RNF103: variants seen among roughly 807,000 people sequenced by gnomAD.
RNF103 encodes ring finger protein 103, also known as E3 ubiquitin-protein ligase RNF103.
RNF103 carries 23 observed loss-of-function variants against 66.2 expected under a neutral mutation model. That is an observed-to-expected ratio of 0.35 (90% CI 0.25 to 0.49). The LOEUF (loss-of-function observed/expected upper bound fraction) is 0.49, where lower values mean the gene tolerates loss of function less well. Ranked by LOEUF, RNF103 falls within the 20% of genes least tolerant of loss-of-function variation. The probability of loss-of-function intolerance (pLI) is 0.98; values close to 1 mark genes in which losing one functional copy is unlikely to be tolerated. For missense variants in RNF103, 730 were observed against 814.7 expected (o/e 0.90, Z 1.27); for synonymous variants, 297 against 289.9 (o/e 1.02, Z -0.25).
At position 86,622,961 on chromosome 2, in the gene RNF103, C is replaced by T. The variant is rs1223328039; in HGVS notation, c.-75G>A. On this transcript the variant is annotated 5_prime_UTR_variant, in exon 1 of 4. Transcript: ENST00000237455. ...GAAGGGTCGAGGGCGGGGGCCGCGG[C>T]TCGGTGGCAGCTTGGGCGAGGGCCC... The T allele has an allele frequency of 2.0e-6, 3 of 1,488,034 alleles. No individual in the cohort carries two copies. The highest frequency in any genetic ancestry group is 2.6e-5 in the East Asian group (1 of 38,740). The allele number at this position is 1,488,034 out of a possible 1,614,324, so 92.2% of individuals were successfully genotyped here. A position where few individuals can be genotyped will look rare whatever the true frequency, so the allele number is the denominator to read the frequency against.
chr2:86,611,518 A>C (rs776541783), intron 3 of RNF103, among the ~76,000 whole-genome samples: 1 of 152,232 alleles, frequency 6.6e-6, no homozygotes, highest in East Asian at 1.9e-4. Context: ...TAATAAAACA[A>C]GAAATAATGT....
At position 86,604,805 on chromosome 2, in the gene RNF103, G is replaced by A. The variant is rs1380773932; in HGVS notation, c.1096C>T (p.Leu366=). ...ACAGGTAGCCAGGAAATAATTAATA[G>A]AGAATTATATGTCCCTAAAGTGCTT... ...LISTLGTYNS[L]LIISWLPVLG... is the part of the protein sequence containing the mutation. The change falls in exon 4 of 4, where the codon CTA becomes TTA. Residue 366 remains leucine (L), a synonymous_variant. Transcript: ENST00000237455. The A allele has an allele frequency of 1.2e-6, 2 of 1,614,064 alleles. No homozygotes were observed. The highest frequency in any genetic ancestry group is 1.7e-6 in the Non-Finnish European group (2 of 1,180,028).
chr2:86,616,043 G>C (rs2104247808), intron 2 of RNF103, among the ~76,000 whole-genome samples: 1 of 152,290 alleles, frequency 6.6e-6, no homozygotes, highest in East Asian at 1.9e-4. Context: ...CCAGCAACCT[G>C]TACCAAGATG....
At position 86,603,753 on chromosome 2, in the gene RNF103, C is replaced by T; in HGVS notation, c.*90G>A. 2.0e-6 allele frequency: 3 copies of T among 1,504,920 alleles called. No individual in the cohort carries two copies. Among genetic ancestry groups the T allele is most frequent in the Non-Finnish European group, 2.7e-6 (3 of 1,124,582 alleles). 93.2% of individuals were successfully genotyped at this position (1,504,920 alleles called of 1,614,324 possible). A position where few individuals can be genotyped will look rare whatever the true frequency, so the allele number is the denominator to read the frequency against. ...TTCCCGTCACTGCACTAACATTAAA[C>T]TAAACTTCAAACCACAAAAACATTG... On this transcript the variant is annotated 3_prime_UTR_variant, in exon 4 of 4. Transcript: ENST00000237455.
Position 86,622,603 on chromosome 2 carries a change from G to A in RNF103, c.226+58C>T, listed in dbSNP as rs1573373563. ...CTGGGGGAACAGCCAGGTACCAGGA[G>A]GTACAGGTCGTCCCCTCTCCCAGGT... On this transcript the variant is annotated intron_variant, in intron 1 of 3. Coordinates refer to ENST00000237455, the MANE Select transcript of RNF103 (RefSeq NM_005667.4). 3.9e-6 allele frequency: 6 copies of A among 1,541,912 alleles called. No homozygotes were observed. The East Asian group carries it at 1.3e-4, about 35-fold the overall frequency.
chr2:86,615,388 A>G lies in RNF103; in HGVS notation c.367-3114T>C, dbSNP rs575140773. On this transcript the variant is annotated intron_variant, in intron 2 of 3. Coordinates refer to ENST00000237455, the MANE Select transcript of RNF103 (RefSeq NM_005667.4). ...TATAATTCAACTGAAGGTTTAGCAT[A>G]AATTAAATTTGGTGGAGTTTAAATT... The G allele has an allele frequency of 6.3e-4, 195 of 307,428 alleles. 1 individual carries two copies. Among genetic ancestry groups the G allele is most frequent in the African/African-American group, 4.2e-3 (188 of 44,320 alleles). The allele number at this position is 307,428 out of a possible 1,614,324, so 19.0% of individuals were successfully genotyped here. A position where few individuals can be genotyped will look rare whatever the true frequency, so the allele number is the denominator to read the frequency against.
At chr2:86,611,077 G>C (rs1335733566) in intron 3 of RNF103, among the ~76,000 whole-genome samples, 1 of 151,526 alleles carries the variant, frequency 6.6e-6, no homozygotes, top group Admixed American at 6.6e-5. Flanking sequence ...TTGGAATGCT[G>C]AGGTGGGAAG....
At position 86,622,934 on chromosome 2, in the gene RNF103, G is replaced by A; in HGVS notation, c.-48C>T. 1 of 1,541,332 alleles carries A rather than the reference G, an allele frequency of 6.5e-7. No individual in the cohort carries two copies. The highest frequency in any genetic ancestry group is 8.8e-7 in the Non-Finnish European group (1 of 1,142,186). ...TCCAGAGAGCTCGGAATACGGGAGA[G>A]AGAAGGGTCGAGGGCGGGGGCCGCG... is the stretch of plus-strand genomic sequence containing the variant. On this transcript the variant is annotated 5_prime_UTR_variant, in exon 1 of 4. Coordinates refer to ENST00000237455, the MANE Select transcript of RNF103 (RefSeq NM_005667.4).
intron 1 of RNF103, among the ~76,000 whole-genome samples, chr2:86,621,505 A>G (rs1035060850): frequency 4.6e-5 from 7 of 152,182 alleles, no homozygotes; most frequent in Admixed American, 4.6e-4. Context: ...AGAATAATAT[A>G]CGATTTTATA....
intron 1 of RNF103, among the ~76,000 whole-genome samples, chr2:86,621,207 G>A (rs931305051): frequency 3.3e-5 from 5 of 152,080 alleles, no homozygotes; most frequent in African/African-American, 1.2e-4. Context: ...TGTGATTTGA[G>A]TCATACTGGG....
At chr2:86,618,197 CCTTCA>C (rs771458476) in intron 2 of RNF103, 1 of 252,610 alleles carries the variant, frequency 4.0e-6, no homozygotes, top group South Asian at 3.7e-5. Flanking sequence ...CATTATTTGT[CCTTCA>C]CTTCATTTGT....
intron 2 of RNF103, chr2:86,614,868 T>C (rs968093471): frequency 2.0e-6 from 2 of 985,432 alleles, no homozygotes; most frequent in Non-Finnish European, 2.4e-6. Flanking sequence ...TTTCAGGCAT[T>C]ATCCCATTTC....
chr2:86,617,270 C>CATAGACTTAAAACAA, intron 2 of RNF103: 1 of 985,400 alleles, frequency 1.0e-6, no homozygotes, highest in Non-Finnish European at 1.2e-6. Flanking sequence ...AAACACTCCT[C>CATAGACTTAAAACAA]ATAGACTTAA....
In RNF103 at chr2:86,620,397, T is replaced by C. The variant is rs778101566; in HGVS notation, c.299A>G (p.Asn100Ser). The C allele has an allele frequency of 5.0e-6, 8 of 1,607,344 alleles. No individual in the cohort carries two copies. The highest frequency in any genetic ancestry group is 1.3e-5 in the African/African-American group (1 of 74,986). Residue 100 changes from asparagine (N) to serine (S), a missense_variant, in exon 2 of 4, where the codon AAT becomes AGT. This residue lies in a region of RNF103 where 327 missense variants were observed against 369.8 expected (regional missense o/e 0.88). Coordinates refer to ENST00000237455, the MANE Select transcript of RNF103 (RefSeq NM_005667.4). ...ATAGAAGTGCATTTCACCACTGAAA[T>C]TGGTACTAGAAACCGATTCGGATGC... ...EEASESVSST[N>S]FSGEMHFYEL...
rs557739495 is a variant in RNF103 at position 86,610,239 on chromosome 2, C to G, written c.482+1920G>C. On this transcript the variant is annotated intron_variant, in intron 3 of 3. Transcript: ENST00000237455. Reference sequence around the variant, plus strand: ...AATCAACAAAAAAGCAAAAAGTTATCCAAAAAAACATTGCTTCAATTGTAA... The same window carrying G: ...AATCAACAAAAAAGCAAAAAGTTATGCAAAAAAACATTGCTTCAATTGTAA... Among the ~76,000 whole-genome samples the G allele has an allele frequency of 1.2e-3, 186 of 152,142 alleles. 1 individual carries two copies. Among genetic ancestry groups the G allele is most frequent in the Middle Eastern group, 6.8e-3 (2 of 294 alleles).
intron 3 of RNF103, among the ~76,000 whole-genome samples, chr2:86,608,972 T>G (rs1678677961): frequency 6.6e-6 from 1 of 152,184 alleles, no homozygotes; most frequent in African/African-American, 2.4e-5. Flanking sequence ...CTAAATGTTC[T>G]TAAGGGAGCT....
chr2:86,623,745 C>G lies in RNF103; in HGVS notation c.-859G>C, dbSNP rs1679333678. 4 of 1,274,344 alleles carry G rather than the reference C, an allele frequency of 3.1e-6. No individual in the cohort carries two copies. The highest frequency in any genetic ancestry group is 2.5e-5 in the South Asian group (2 of 79,750). The allele number at this position is 1,274,344 out of a possible 1,614,324, so 78.9% of individuals were successfully genotyped here. ...TCCCGGCCACTCAGCGCCCGTCCCG[C>G]TCGGATGGGCAGTGCCGGTCGCAGC... On this transcript the variant is annotated 5_prime_UTR_variant, in exon 1 of 4. Coordinates refer to ENST00000237455, the MANE Select transcript of RNF103 (RefSeq NM_005667.4).
rs1333786174 is a variant in RNF103 at position 86,603,958 on chromosome 2, A to G, written c.1943T>C (p.Ile648Thr). 9 of 1,614,156 alleles carry G rather than the reference A, an allele frequency of 5.6e-6. No individual in the cohort carries two copies. In the Admixed American group the frequency reaches 1.3e-4, roughly 24 times the overall value. The change falls in exon 4 of 4, where the codon ATT becomes ACT. Residue 648 changes from isoleucine to threonine, a missense_variant. This residue lies in a region of RNF103 where 355 missense variants were observed against 351.9 expected (regional missense o/e 1.01). Coordinates refer to ENST00000237455, the MANE Select transcript of RNF103 (RefSeq NM_005667.4). ...TCGGCCCCCAGCCAACCACATCACAATGCAATTCTGATGAAACACATGACC... is the reference window on the plus strand; with the variant it reads ...TCGGCCCCCAGCCAACCACATCACAGTGCAATTCTGATGAAACACATGACC... ...PCGHVFHQNC[I>T]VMWLAGGRHC...
At chr2:86,606,649 C>T (rs1228979775) in intron 3 of RNF103, among the ~76,000 whole-genome samples, 2 of 80,650 alleles carry the variant, frequency 2.5e-5, no homozygotes, top group East Asian at 2.9e-4. Context: ...GGCGACAGAG[C>T]AAAACTTCGT....
Sources: allele counts gnomAD v4.1 joint callset (sites outside exome capture counted in the v4.1 genomes callset), GRCh38; gene constraint gnomAD v4.1.1; regional missense constraint gnomAD v4.1.1; transcripts MANE v1.5; gene names NCBI Gene and HGNC (gene_info 2026-07-23, HGNC 2026-07-21).